Variants in UBE2E2 observed in about 807,000 individuals in gnomAD.
UBE2E2 encodes ubiquitin conjugating enzyme E2 E2, also known as ubiquitin-conjugating enzyme E2 E2.
A neutral mutation model predicts 24.7 loss-of-function variants in UBE2E2; 6 were observed. The ratio of observed to expected loss-of-function variants is 0.24; its 90% CI spans 0.13 to 0.48. UBE2E2 has a LOEUF of 0.48. Ranked by LOEUF, UBE2E2 falls within the 20% of genes least tolerant of loss-of-function variation. The pLI, the probability that UBE2E2 is intolerant of heterozygous loss-of-function variation, is 0.99. For missense variants in UBE2E2, 169 were observed against 245.0 expected (o/e 0.69, Z 2.07); for synonymous variants, 104 against 83.6 (o/e 1.24, Z -1.33).
chr3:23,258,392 A>G (rs1697796034), intron 3 of UBE2E2, among the ~76,000 whole-genome samples: 1 of 152,224 alleles, frequency 6.6e-6, no homozygotes, highest in Admixed American at 6.5e-5. Flanking sequence ...AAGAAAAACA[A>G]TTTAAACATG....
chr3:23,468,358 G>T (rs1359720898), intron 3 of UBE2E2, among the ~76,000 whole-genome samples: 1 of 152,178 alleles, frequency 6.6e-6, no homozygotes, highest in East Asian at 1.9e-4. Flanking sequence ...GAGCAAAGAA[G>T]ACTGTACCTA....
chr3:23,506,649 A>G (rs1487747779), intron 4 of UBE2E2, among the ~76,000 whole-genome samples: 1 of 152,032 alleles, frequency 6.6e-6, no homozygotes, highest in Non-Finnish European at 1.5e-5. Flanking sequence ...TACACCCCAT[A>G]TGCTGAAAGA....
At chr3:23,460,967 C>T (rs1343747600) in intron 3 of UBE2E2, among the ~76,000 whole-genome samples, 2 of 152,076 alleles carry the variant, frequency 1.3e-5, no homozygotes, top group African/African-American at 4.8e-5. Context: ...TGCAGAAAAC[C>T]AGTAAGGTTT....
chr3:23,233,844 A>G (rs1292670145), intron 3 of UBE2E2, among the ~76,000 whole-genome samples: 1 of 152,196 alleles, frequency 6.6e-6, no homozygotes, highest in Non-Finnish European at 1.5e-5. Flanking sequence ...CTACATATTC[A>G]TGGGATATGA....
At chr3:23,212,807 C>T (rs1696365944) in intron 2 of UBE2E2, among the ~76,000 whole-genome samples, 1 of 152,028 alleles carries the variant, frequency 6.6e-6, no homozygotes, top group Non-Finnish European at 1.5e-5. Context: ...AATTGGGACA[C>T]ATCTTAAAAT....
intron 3 of UBE2E2, among the ~76,000 whole-genome samples, chr3:23,324,595 T>G (rs1215350203): frequency 2.0e-5 from 3 of 152,282 alleles, no homozygotes; most frequent in African/African-American, 7.2e-5. Flanking sequence ...TGTTAGCTGA[T>G]TTCTTAAATT....
intron 3 of UBE2E2, among the ~76,000 whole-genome samples, chr3:23,346,932 T>C (rs1164835291): frequency 1.3e-5 from 2 of 152,224 alleles, no homozygotes; most frequent in Non-Finnish European, 2.9e-5. Flanking sequence ...GTATGAAAGA[T>C]TTATAATCAG....
chr3:23,529,375 T>C (rs962198082), intron 4 of UBE2E2, among the ~76,000 whole-genome samples: 5 of 152,216 alleles, frequency 3.3e-5, no homozygotes, highest in African/African-American at 4.8e-5. Flanking sequence ...GATGTTTTCA[T>C]TGGGGAAAAT....
intron 3 of UBE2E2, among the ~76,000 whole-genome samples, chr3:23,368,689 T>C (rs1205420100): frequency 6.6e-6 from 1 of 152,226 alleles, no homozygotes; most frequent in Non-Finnish European, 1.5e-5. Flanking sequence ...TTGCTTTTTT[T>C]GTTGAGAGGT....
intron 3 of UBE2E2, among the ~76,000 whole-genome samples, chr3:23,292,934 G>A (rs1478197989): frequency 1.3e-5 from 2 of 152,134 alleles, no homozygotes; most frequent in African/African-American, 2.4e-5. Flanking sequence ...TTAGCCGTAC[G>A]TGGTGACACA....
chr3:23,242,557 G>C (rs1697286735), intron 3 of UBE2E2, among the ~76,000 whole-genome samples: 1 of 151,968 alleles, frequency 6.6e-6, no homozygotes, highest in Admixed American at 6.6e-5. Context: ...CATTTTACCA[G>C]AATCTGTAGG....
At chr3:23,481,728 A>G (rs924439579) in intron 3 of UBE2E2, among the ~76,000 whole-genome samples, 5 of 152,244 alleles carry the variant, frequency 3.3e-5, no homozygotes, top group African/African-American at 1.2e-4. Flanking sequence ...AGACACTGTA[A>G]GATGGGGATG....
intron 4 of UBE2E2, among the ~76,000 whole-genome samples, chr3:23,531,755 G>C (rs1695126876): frequency 6.6e-6 from 1 of 152,050 alleles, no homozygotes; most frequent in Admixed American, 6.6e-5. Context: ...AAATGCCTTA[G>C]TTTATGTTTT....
chr3:23,304,440 A>T (rs1045970801), intron 3 of UBE2E2, among the ~76,000 whole-genome samples: 1 of 152,182 alleles, frequency 6.6e-6, no homozygotes, highest in East Asian at 1.9e-4. Context: ...TGTTTAAAAT[A>T]TTACTAAACT....
intron 4 of UBE2E2, among the ~76,000 whole-genome samples, chr3:23,511,426 G>C (rs1694591263): frequency 6.6e-6 from 1 of 152,232 alleles, no homozygotes; most frequent in African/African-American, 2.4e-5. Flanking sequence ...TATGTTGCCT[G>C]TGAGGAACTT....
chr3:23,501,345 C>T (rs1317454118), intron 4 of UBE2E2, among the ~76,000 whole-genome samples: 1 of 152,182 alleles, frequency 6.6e-6, no homozygotes, highest in Non-Finnish European at 1.5e-5. Context: ...AAATCGCATT[C>T]TTGACTTTCT....
intron 4 of UBE2E2, among the ~76,000 whole-genome samples, chr3:23,506,875 C>T (rs561580779): frequency 5.7e-4 from 87 of 152,258 alleles, no homozygotes; most frequent in African/African-American, 1.9e-3. Context: ...TCAAGCAATC[C>T]GTCCGCCTCA....
At chr3:23,434,287 TA>T (rs1029305673) in intron 3 of UBE2E2, among the ~76,000 whole-genome samples, 5 of 152,170 alleles carry the variant, frequency 3.3e-5, no homozygotes, top group Non-Finnish European at 7.4e-5. Context: ...GATCTCAATG[TA>T]ACATCCAATT....
At chr3:23,531,530 T>A (rs1262156662) in intron 4 of UBE2E2, among the ~76,000 whole-genome samples, 1 of 152,244 alleles carries the variant, frequency 6.6e-6, no homozygotes, top group African/African-American at 2.4e-5. Flanking sequence ...GATATGGTCA[T>A]GTTTCACAAT....
Sources: gnomAD v4.1 joint callset for allele counts (sites outside exome capture counted in the v4.1 genomes callset) on GRCh38, gnomAD v4.1.1 for gene constraint, MANE v1.5 for transcripts, NCBI Gene and HGNC (gene_info 2026-07-23, HGNC 2026-07-21) for gene names.